The following CACNA2D3 variants were observed in gnomAD, a reference collection of about 807,000 sequenced individuals.
CACNA2D3 encodes the protein voltage-dependent calcium channel subunit alpha-2/delta-3.
CACNA2D3 carries 60 observed loss-of-function variants against 160.6 expected under a neutral mutation model. That is an observed-to-expected ratio of 0.37 (90% CI 0.30 to 0.46). The LOEUF is 0.46. Among genes scored for constraint, CACNA2D3 ranks in the 20% least tolerant of loss-of-function variants. The pLI, the probability that CACNA2D3 is intolerant of heterozygous loss-of-function variation, is 1.00. For synonymous variants in CACNA2D3, 558 were observed against 492.9 expected, an observed-to-expected ratio of 1.13 and a Z score of -1.75; for missense variants, 1,205 against 1,365.0, an observed-to-expected ratio of 0.88 and a Z score of 1.85.
At chr3:54,576,594 G>T (rs1702585865) in intron 8 of CACNA2D3, among the ~76,000 whole-genome samples, 1 of 152,212 alleles carries the variant, frequency 6.6e-6, no homozygotes, top group Admixed American at 6.5e-5. Flanking sequence ...TTGGAGGTTG[G>T]TTGAATGGAG....
intron 25 of CACNA2D3, chr3:54,894,538 A>T: frequency 6.3e-6 from 3 of 479,778 alleles, no homozygotes; most frequent in South Asian, 4.5e-5. Context: ...CTCTGGAAAA[A>T]GGTCCCCTGT....
chr3:54,416,435 G>A (rs1380366696), intron 4 of CACNA2D3, among the ~76,000 whole-genome samples: 8 of 152,050 alleles, frequency 5.3e-5, no homozygotes, highest in Admixed American at 5.2e-4. Flanking sequence ...ACATCTAGTA[G>A]CATGTCCACA....
chr3:54,506,160 C>T (rs1701365442), intron 5 of CACNA2D3, among the ~76,000 whole-genome samples: 1 of 152,066 alleles, frequency 6.6e-6, no homozygotes, highest in Non-Finnish European at 1.5e-5. Context: ...TCAAAACAGC[C>T]CCTAACAGCC....
intron 17 of CACNA2D3, 120 bp from the exon 18 acceptor site, chr3:54,871,419 C>G (rs564753000): frequency 1.5e-6 from 1 of 668,914 alleles, no homozygotes; most frequent in Admixed American, 2.7e-5. Flanking sequence ...GGCTTCTCAC[C>G]CTCATCGGTC....
intron 31 of CACNA2D3, among the ~76,000 whole-genome samples, chr3:54,988,625 G>T (rs950048841): frequency 1.1e-4 from 17 of 152,206 alleles, no homozygotes; most frequent in Admixed American, 8.5e-4. Context: ...GCACATCGGT[G>T]GCCAGTGGGT....
intron 22 of CACNA2D3, 48 bp downstream of exon 22, chr3:54,885,374 T>G: frequency 1.2e-6 from 2 of 1,609,522 alleles, no homozygotes; most frequent in East Asian, 2.2e-5. Context: ...TTCATTGCCC[T>G]CTTTGATTCC....
chr3:54,838,153 C>T lies in CACNA2D3; in HGVS notation c.1471-415C>T, dbSNP rs377347887. On this transcript the variant is annotated intron_variant, in intron 15 of 37. Transcript: ENST00000474759. ...CTATTTAGACTCTCTCTCCTGGGCA[C>T]CAGATGGCAGTGTAAATTGAGAAAG... Among the ~76,000 whole-genome samples the T allele has an allele frequency of 9.8e-5, 15 of 152,288 alleles. 1 individual carries two copies. The highest frequency in any genetic ancestry group is 3.6e-4 in the African/African-American group (15 of 41,566).
At chr3:54,374,892 A>G (rs975026485) in intron 3 of CACNA2D3, among the ~76,000 whole-genome samples, 4 of 151,526 alleles carry the variant, frequency 2.6e-5, no homozygotes, top group African/African-American at 7.3e-5. Context: ...GATAACATCA[A>G]TAATCAATAA....
intron 9 of CACNA2D3, among the ~76,000 whole-genome samples, chr3:54,617,149 A>T (rs926705303): frequency 2.0e-5 from 3 of 152,164 alleles, no homozygotes; most frequent in African/African-American, 7.2e-5. Flanking sequence ...GAGTGCAGTG[A>T]GAGCATGCAT....
chr3:54,938,987 A>G (rs917292281), intron 27 of CACNA2D3, among the ~76,000 whole-genome samples: 2 of 152,208 alleles, frequency 1.3e-5, no homozygotes, highest in African/African-American at 4.8e-5. Flanking sequence ...TGAAAAGGGT[A>G]GCACACGTTA....
At chr3:54,937,387 G>C (rs926808681) in intron 27 of CACNA2D3, among the ~76,000 whole-genome samples, 1 of 152,154 alleles carries the variant, frequency 6.6e-6, no homozygotes, top group Non-Finnish European at 1.5e-5. Flanking sequence ...GAGGGGGATT[G>C]GTTCCAGCAA....
intron 11 of CACNA2D3, among the ~76,000 whole-genome samples, chr3:54,664,666 GA>G (rs765303185): frequency 3.3e-5 from 5 of 152,216 alleles, no homozygotes; most frequent in Non-Finnish European, 5.9e-5. Flanking sequence ...ACAAACTTGA[GA>G]AAGTCTTTGG....
intron 35 of CACNA2D3, among the ~76,000 whole-genome samples, chr3:55,019,776 G>A (rs77984465): frequency 0.082 from 12,418 of 152,078 alleles, 585 homozygotes; most frequent in Non-Finnish European, 0.098. Flanking sequence ...CTGACACATC[G>A]TTAAATAAAA....
intron 3 of CACNA2D3, among the ~76,000 whole-genome samples, chr3:54,374,311 G>C (rs1698972396): frequency 6.6e-6 from 1 of 152,160 alleles, no homozygotes; most frequent in Non-Finnish European, 1.5e-5. Flanking sequence ...CCACATACAT[G>C]CCCATCACTT....
intron 2 of CACNA2D3, among the ~76,000 whole-genome samples, chr3:54,276,572 C>CAAAA (rs34052239): frequency 7.9e-5 from 9 of 114,600 alleles, no homozygotes; most frequent in Middle Eastern, 5.3e-3. Flanking sequence ...GACTCTGTCT[C>CAAAA]AAAAAAAAAA....
intron 35 of CACNA2D3, among the ~76,000 whole-genome samples, chr3:55,072,218 TC>T (rs1352732335): frequency 6.6e-6 from 1 of 152,184 alleles, no homozygotes; most frequent in Non-Finnish European, 1.5e-5. Flanking sequence ...TGAGGAAACA[TC>T]TTTGCACAGT....
At chr3:54,969,346 A>C (rs1328799291) in intron 28 of CACNA2D3, among the ~76,000 whole-genome samples, 4 of 141,512 alleles carry the variant, frequency 2.8e-5, no homozygotes, top group African/African-American at 1.1e-4. Flanking sequence ...TGCACCCTCC[A>C]CCTCCCTGGT....
At chr3:55,058,832 G>A (rs2107217591) in intron 35 of CACNA2D3, among the ~76,000 whole-genome samples, 1 of 152,184 alleles carries the variant, frequency 6.6e-6, no homozygotes, top group South Asian at 2.1e-4. Context: ...TGAATCCCAG[G>A]TTCACATCTT....
intron 31 of CACNA2D3, among the ~76,000 whole-genome samples, chr3:54,993,413 G>A (rs549835837): frequency 1.1e-4 from 17 of 152,286 alleles, no homozygotes; most frequent in African/African-American, 3.9e-4. Context: ...TCTTGCCTGA[G>A]TTCTGCGGAG....
Sources: allele counts gnomAD v4.1 joint callset (sites outside exome capture counted in the v4.1 genomes callset), GRCh38; gene constraint gnomAD v4.1.1; transcripts MANE v1.5; gene names NCBI Gene and HGNC (gene_info 2026-07-23, HGNC 2026-07-21).